Variants in SDK1 observed in about 807,000 individuals in gnomAD.
The protein encoded by SDK1 is protein sidekick-1.
In SDK1, 157 loss-of-function variants were observed where a neutral mutation model predicts 245.5. The ratio of observed to expected loss-of-function variants is 0.64; its 90% confidence interval spans 0.56 to 0.73. The LOEUF is 0.73. SDK1 is among the 30% of genes least tolerant of loss of function. The probability of loss-of-function intolerance (pLI) is 0.00; values close to 1 mark genes in which losing one functional copy is unlikely to be tolerated. For missense variants in SDK1, 3,583 were observed against 3,002.3 expected, an observed-to-expected ratio of 1.19 and a Z score of -4.52; for synonymous variants, 1,647 against 1,278.5, an observed-to-expected ratio of 1.29 and a Z score of -6.15.
chr7:3,620,427 C>G lies in SDK1; in HGVS notation c.458+1188C>G, dbSNP rs1278644608. 2.6e-5 allele frequency among the ~76,000 whole-genome samples: 4 copies of G among 152,002 alleles called. No homozygotes were observed. In the East Asian group the frequency reaches 5.8e-4, roughly 22 times the overall value. ...AAATGATTCTCCTGCCTCAGCCTCC[C>G]AAGTAGCTGGTTCTACAGGCGTGAG... On this transcript the variant is annotated intron_variant, in intron 2 of 44. Transcript: ENST00000404826.
intron 1 of SDK1, among the ~76,000 whole-genome samples, chr7:3,418,386 T>C (rs1779439256): frequency 1.3e-5 from 2 of 152,114 alleles, no homozygotes; most frequent in South Asian, 4.2e-4. Context: ...GAATGGAATA[T>C]TCACTTCACT....
At chr7:4,043,090 G>C (rs1009503669) in intron 17 of SDK1, among the ~76,000 whole-genome samples, 4 of 150,818 alleles carry the variant, frequency 2.7e-5, no homozygotes, top group African/African-American at 4.9e-5. Context: ...ACACCAGGGA[G>C]CCCAGGTAGA....
intron 1 of SDK1, among the ~76,000 whole-genome samples, chr7:3,587,997 G>T (rs1342136035): frequency 6.6e-6 from 1 of 152,236 alleles, no homozygotes; most frequent in Non-Finnish European, 1.5e-5. Flanking sequence ...TTGAAAAGCT[G>T]CGGGTAAATC....
At chr7:4,052,180 C>T (rs1583954726) in intron 19 of SDK1, among the ~76,000 whole-genome samples, 2 of 85,116 alleles carry the variant, frequency 2.3e-5, no homozygotes, top group South Asian at 4.4e-4. Flanking sequence ...CCCCCCCCCC[C>T]GACGTCCCCC....
chr7:3,314,572 A>G (rs1181220880), intron 1 of SDK1, among the ~76,000 whole-genome samples: 1 of 152,344 alleles, frequency 6.6e-6, no homozygotes, highest in African/African-American at 2.4e-5. Context: ...GCAACTTGAT[A>G]TGATTGGTTG....
chr7:3,599,906 A>G (rs903698485), intron 1 of SDK1, among the ~76,000 whole-genome samples: 5 of 152,136 alleles, frequency 3.3e-5, no homozygotes, highest in Non-Finnish European at 5.9e-5. Context: ...ATTGTTTTAG[A>G]TATTCTACTT....
At chr7:3,724,132 T>G (rs961485286) in intron 4 of SDK1, among the ~76,000 whole-genome samples, 1 of 151,856 alleles carries the variant, frequency 6.6e-6, no homozygotes, top group African/African-American at 2.4e-5. Flanking sequence ...CTCAGCTAAT[T>G]TGTTGTATTT....
intron 4 of SDK1, among the ~76,000 whole-genome samples, chr7:3,729,760 G>C (rs892249798): frequency 1.3e-5 from 2 of 152,046 alleles, no homozygotes; most frequent in South Asian, 4.2e-4. Context: ...GTGTGAACAC[G>C]AAGATCTTTT....
At chr7:3,416,146 A>G (rs1050291746) in intron 1 of SDK1, among the ~76,000 whole-genome samples, 1 of 152,196 alleles carries the variant, frequency 6.6e-6, no homozygotes, top group Non-Finnish European at 1.5e-5. Flanking sequence ...TTCATTGTCA[A>G]GGTAATGATT....
chr7:4,113,571 A>G (rs1489336877), intron 24 of SDK1, 132 bp downstream of exon 24: 4 of 1,023,518 alleles, frequency 3.9e-6, no homozygotes, highest in Non-Finnish European at 1.4e-6. Flanking sequence ...CGTCAAACCA[A>G]AAAGTATTGC....
intron 16 of SDK1, among the ~76,000 whole-genome samples, chr7:4,013,858 G>T (rs1034530914): frequency 1.3e-5 from 2 of 152,194 alleles, no homozygotes; most frequent in East Asian, 1.9e-4. Flanking sequence ...AAAGAAGGGG[G>T]AAGAGGAGCT....
rs575483334 is a variant in SDK1, at chr7:3,584,333, C to T, written c.299-34747C>T. The stretch of plus-strand genomic sequence containing the variant: ...CCTTGGCTTCCTCCTCCTTGCCTGG[C>T]GTTCCCTGTCTAGTTTCACGTGAAA... On this transcript the variant is annotated intron_variant, in intron 1 of 44. Coordinates refer to ENST00000404826, the MANE Select transcript of SDK1 (RefSeq NM_152744.4). 4.6e-5 allele frequency among the ~76,000 whole-genome samples: 7 copies of T among 152,254 alleles called. No individual in the cohort carries two copies. In the East Asian group the frequency reaches 9.7e-4, roughly 21 times the overall value.
intron 36 of SDK1, among the ~76,000 whole-genome samples, chr7:4,206,515 C>G (rs1784236429): frequency 6.6e-6 from 1 of 152,212 alleles, no homozygotes; most frequent in African/African-American, 2.4e-5. Context: ...GGGAACCCTG[C>G]TTTGAGAACC....
chr7:3,474,349 C>T (rs1315657219), intron 1 of SDK1, among the ~76,000 whole-genome samples: 1 of 151,896 alleles, frequency 6.6e-6, no homozygotes, highest in Non-Finnish European at 1.5e-5. Flanking sequence ...CTGCCTCAGC[C>T]TCCCAAAGTG....
In SDK1 at chr7:4,265,332, C is replaced by A. The variant is rs199542518; in HGVS notation, c.6590C>A (p.Pro2197His). The change falls in exon 45 of 45, where the codon CCC (proline) becomes CAC (histidine). Residue 2197 changes from proline (P) to histidine (H), a missense_variant. By Grantham distance (77) the Pro-to-His change is moderately conservative. Transcript: ENST00000404826. ...CAGAGCGCGGGCGGCGTCTACACCC[C>A]CGCTGGCCCCGGCGCGCGAACTCCG... ...TTQSAGGVYT[P>H]AGPGARTPLT... 28 of 1,479,726 alleles carry A rather than the reference C, an allele frequency of 1.9e-5. No homozygotes were observed. The highest frequency in any genetic ancestry group is 2.5e-5 in the Admixed American group (1 of 39,492). The allele number at this position is 1,479,726 out of a possible 1,614,324, so 91.7% of individuals were successfully genotyped here.
chr7:3,559,536 T>C (rs1779685123), intron 1 of SDK1, among the ~76,000 whole-genome samples: 1 of 152,164 alleles, frequency 6.6e-6, no homozygotes. Context: ...GATGTAGTAA[T>C]CAGCTTCCTC....
At chr7:3,420,208 T>A (rs1779499493) in intron 1 of SDK1, among the ~76,000 whole-genome samples, 1 of 152,256 alleles carries the variant, frequency 6.6e-6, no homozygotes, top group Admixed American at 6.5e-5. Flanking sequence ...AGAATTAACA[T>A]TATTGTCATA....
At chr7:4,059,514 C>T (rs113439151) in intron 19 of SDK1, among the ~76,000 whole-genome samples, 6,873 of 152,228 alleles carry the variant, frequency 0.045, 286 homozygotes, top group African/African-American at 0.11. Flanking sequence ...ACATCCCCCT[C>T]TCAGCATTAG....
intron 17 of SDK1, among the ~76,000 whole-genome samples, chr7:4,035,671 A>C (rs1281059066): frequency 6.6e-6 from 1 of 152,170 alleles, no homozygotes; most frequent in African/African-American, 2.4e-5. Context: ...TTAAAACTTA[A>C]CCTAGTGGCA....
Sources: gnomAD v4.1 joint callset for allele counts (sites outside exome capture counted in the v4.1 genomes callset) on GRCh38, gnomAD v4.1.1 for gene constraint, MANE v1.5 for transcripts, NCBI Gene and HGNC (gene_info 2026-07-23, HGNC 2026-07-21) for gene names.